Variants in VPS41 observed in about 807,000 individuals in gnomAD.
The protein encoded by VPS41 is VPS41 subunit of HOPS complex, also known as vacuolar protein sorting-associated protein 41 homolog.
A neutral mutation model predicts 130.9 loss-of-function variants in VPS41; 85 were observed. The observed-to-expected ratio is 0.65, with a 90% CI of 0.55 to 0.78. The LOEUF (loss-of-function observed/expected upper bound fraction) is 0.78, where lower values mean the gene tolerates loss of function less well. Ranked by LOEUF, VPS41 falls within the 30% of genes least tolerant of loss-of-function variation. The pLI is 0.00. For synonymous variants in VPS41, 335 were observed against 332.9 expected, an observed-to-expected ratio of 1.01 and a Z score of -0.07; for missense variants, 874 against 1,018.7, an observed-to-expected ratio of 0.86 and a Z score of 1.93.
intron 10 of VPS41, among the ~76,000 whole-genome samples, chr7:38,781,846 A>G (rs1382370258): frequency 1.3e-5 from 2 of 152,314 alleles, no homozygotes; most frequent in East Asian, 3.9e-4. Flanking sequence ...CACTTTTTAA[A>G]GATGTCTTAT....
chr7:38,761,207 C>A (rs2286083), intron 17 of VPS41, among the ~76,000 whole-genome samples: 50,711 of 143,278 alleles, frequency 0.35, 9,169 homozygotes, highest in Admixed American at 0.54. Flanking sequence ...TCCCTCCCTT[C>A]CTTTTCTTTC....
intron 10 of VPS41, among the ~76,000 whole-genome samples, chr7:38,781,824 G>C (rs547140493): frequency 6.6e-6 from 1 of 152,130 alleles, no homozygotes; most frequent in Non-Finnish European, 1.5e-5. Context: ...TTCAAATTCT[G>C]ATTTCTTACA....
At chr7:38,816,275 C>T (rs1157727801) in intron 7 of VPS41, among the ~76,000 whole-genome samples, 1 of 152,142 alleles carries the variant, frequency 6.6e-6, no homozygotes. Context: ...GAGGGGCTCT[C>T]TAACAGAAAT....
chr7:38,811,392 G>GTAC (rs1784939671), intron 7 of VPS41, among the ~76,000 whole-genome samples: 1 of 151,964 alleles, frequency 6.6e-6, no homozygotes. Flanking sequence ...GTACTTTTTA[G>GTAC]TACTTAGTAA....
At position 38,726,269 on chromosome 7, in the gene VPS41, C is replaced by T. The variant is rs1795540980; in HGVS notation, c.2542G>A (p.Ala848Thr). Residue 848 changes from alanine to threonine, a missense_variant, in exon 29 of 29, where the codon GCA becomes ACA. Coordinates refer to ENST00000310301, the MANE Select transcript of VPS41 (RefSeq NM_014396.4). Reference sequence around the variant, plus strand: ...AGCTATTTTTTCATCTCCAAAATTGCACTTCCTGGTCCACGGTTCTTAGCA... The same window carrying T: ...AGCTATTTTTTCATCTCCAAAATTGTACTTCCTGGTCCACGGTTCTTAGCA... Reference protein sequence around the residue: ...CSAKNRGPGSAILEMKK With the variant: ...CSAKNRGPGSTILEMKK 6.2e-7 allele frequency: 1 copy of T among 1,613,702 alleles called. No homozygotes were observed. Among genetic ancestry groups the T allele is most frequent in the Non-Finnish European group, 8.5e-7 (1 of 1,179,638 alleles).
At chr7:38,841,573 C>A (rs1785608637) in intron 4 of VPS41, among the ~76,000 whole-genome samples, 1 of 152,114 alleles carries the variant, frequency 6.6e-6, no homozygotes, top group Non-Finnish European at 1.5e-5. Context: ...ATTACACCCA[C>A]TTCTCTTCAT....
intron 2 of VPS41, among the ~76,000 whole-genome samples, chr7:38,881,188 G>A (rs892044676): frequency 6.6e-6 from 1 of 152,148 alleles, no homozygotes. Flanking sequence ...TGTCAGTAGT[G>A]CTGCCCTCCC....
intron 21 of VPS41, among the ~76,000 whole-genome samples, chr7:38,753,923 G>A (rs1417760534): frequency 2.6e-5 from 4 of 152,190 alleles, no homozygotes; most frequent in Non-Finnish European, 4.4e-5. Flanking sequence ...CTCCTAGGGT[G>A]CAATGAGATG....
At chr7:38,778,488 T>C (rs1191629926) in intron 10 of VPS41, among the ~76,000 whole-genome samples, 1 of 152,220 alleles carries the variant, frequency 6.6e-6, no homozygotes, top group Non-Finnish European at 1.5e-5. Flanking sequence ...GACCCAGTGA[T>C]GAAAGAGATG....
chr7:38,876,683 AAC>A (rs36040224), intron 2 of VPS41, among the ~76,000 whole-genome samples: 38,993 of 152,078 alleles, frequency 0.26, 6,416 homozygotes, highest in Non-Finnish European at 0.38. Flanking sequence ...GCTTTACCGT[AAC>A]ACACTAACCA....
At chr7:38,853,974 A>C (rs1332850768) in intron 4 of VPS41, among the ~76,000 whole-genome samples, 1 of 152,236 alleles carries the variant, frequency 6.6e-6, no homozygotes, top group Non-Finnish European at 1.5e-5. Flanking sequence ...AGCCATCAAA[A>C]TTATCAAGTT....
chr7:38,848,501 A>G (rs1785776045), intron 4 of VPS41, among the ~76,000 whole-genome samples: 1 of 152,222 alleles, frequency 6.6e-6, no homozygotes, highest in African/African-American at 2.4e-5. Flanking sequence ...CAAAAATAAT[A>G]GTTCTTCAGG....
chr7:38,880,084 G>T (rs1445362071), intron 2 of VPS41, among the ~76,000 whole-genome samples: 1 of 152,162 alleles, frequency 6.6e-6, no homozygotes, highest in Non-Finnish European at 1.5e-5. Context: ...CTGCACCTCA[G>T]AGGACTTTTG....
intron 2 of VPS41, among the ~76,000 whole-genome samples, chr7:38,887,937 T>C (rs944990050): frequency 1.3e-5 from 2 of 152,194 alleles, no homozygotes; most frequent in Non-Finnish European, 2.9e-5. Context: ...CTAAGCTTCA[T>C]AAGTAAAGGA....
At chr7:38,791,431 G>A (rs1172545723) in intron 9 of VPS41, among the ~76,000 whole-genome samples, 1 of 152,198 alleles carries the variant, frequency 6.6e-6, no homozygotes, top group Non-Finnish European at 1.5e-5. Context: ...GTGCTCCTGA[G>A]TTAAGGCCTT....
rs747842523 is a variant in VPS41, at chr7:38,817,863, T to C, written c.404A>G (p.His135Arg). Residue 135 changes from histidine to arginine, a missense_variant, in exon 7 of 29, where the codon CAT becomes CGT. By Grantham distance (29) the His-to-Arg change is conservative. Transcript: ENST00000310301. The part of the protein sequence containing the change: ...CPIKIIAVHP[H>R]FVRSSCKQFV... The stretch of plus-strand genomic sequence containing the variant: ...CTGCTTGCAACTGGATCTCACGAAA[T>C]GTGGGTGCACAGCAATAATCTACAA... The C allele has an allele frequency of 6.2e-7, 1 of 1,613,940 alleles. No homozygotes were observed. The highest frequency in any genetic ancestry group is 1.3e-5 in the African/African-American group (1 of 74,910).
At chr7:38,776,893 G>A (rs1784270361) in intron 10 of VPS41, 117 bp from the exon 11 acceptor site, 2 of 549,226 alleles carry the variant, frequency 3.6e-6, no homozygotes, top group East Asian at 2.8e-5. Context: ...TAACGTAAAG[G>A]GGACACCGTT....
At chr7:38,887,683 A>G (rs926076561) in intron 2 of VPS41, among the ~76,000 whole-genome samples, 1 of 152,148 alleles carries the variant, frequency 6.6e-6, no homozygotes, top group African/African-American at 2.4e-5. Flanking sequence ...AGAGAACACC[A>G]CAAAGATACT....
intron 14 of VPS41, 134 bp downstream of exon 14, chr7:38,771,064 T>G: frequency 1.4e-6 from 1 of 690,544 alleles, no homozygotes; most frequent in Non-Finnish European, 2.4e-6. Flanking sequence ...TATTTTGATC[T>G]CATAGGTTAG....
Sources: allele counts gnomAD v4.1 joint callset (sites outside exome capture counted in the v4.1 genomes callset), GRCh38; gene constraint gnomAD v4.1.1; transcripts MANE v1.5; gene names NCBI Gene and HGNC (gene_info 2026-07-23, HGNC 2026-07-21).